The following POU2F1 variants were observed in gnomAD, a reference collection of about 807,000 sequenced individuals.
POU2F1 encodes the protein POU domain, class 2, transcription factor 1.
Under a neutral mutation model 84.9 loss-of-function variants are expected in POU2F1, and 16 were observed. That is an observed-to-expected ratio of 0.19 (90% confidence interval 0.13 to 0.29). POU2F1 has a LOEUF of 0.29. POU2F1 is among the 10% of genes least tolerant of loss of function. The pLI is 1.00. For missense variants in POU2F1, 738 were observed against 942.6 expected (o/e 0.78, Z 2.84); for synonymous variants, 368 against 368.3 (o/e 1.00, Z 0.01).
intron 13 of POU2F1, among the ~76,000 whole-genome samples, chr1:167,408,522 A>G (rs897187054): frequency 3.9e-5 from 6 of 152,368 alleles, no homozygotes; most frequent in East Asian, 1.9e-4. Context: ...AATATTATTC[A>G]GCCATAAAAA....
At chr1:167,380,823 T>C (rs1031120792) in intron 7 of POU2F1, 1 of 152,256 alleles carries the variant, frequency 6.6e-6, no homozygotes, top group African/African-American at 2.4e-5. Flanking sequence ...GCTATGATTA[T>C]ATAACTGTAA....
chr1:167,336,382 T>C (rs1197008131), intron 2 of POU2F1, among the ~76,000 whole-genome samples: 1 of 152,244 alleles, frequency 6.6e-6, no homozygotes, highest in Non-Finnish European at 1.5e-5. Flanking sequence ...CAGTAAATTG[T>C]GTATTGCAGT....
intron 3 of POU2F1, among the ~76,000 whole-genome samples, chr1:167,367,180 TAATTA>T (rs1659735547): frequency 6.6e-6 from 1 of 152,214 alleles, no homozygotes; most frequent in South Asian, 2.1e-4. Flanking sequence ...ATTAGCTACA[TAATTA>T]ACAGTGTGAC....
Position 167,425,041 on chromosome 1 carries a change from T to TTTATTA in POU2F1, c.*9249_*9254dup, listed in dbSNP as rs1553226409. On this transcript the variant is annotated 3_prime_UTR_variant, in exon 16 of 16. Coordinates refer to ENST00000367866, the MANE Select transcript of POU2F1 (RefSeq NM_002697.4). ...GACCAAAAATATCCAAATATTTAAG[T>TTTATTA]TTATTATTATTATTATTATTATTTG... 7.4e-6 allele frequency: 1 copy of TTTATTA among 135,018 alleles called. No individual in the cohort carries two copies. The highest frequency in any genetic ancestry group is 2.8e-5 in the African/African-American group (1 of 36,128). 8.4% of individuals were successfully genotyped at this position (135,018 alleles called of 1,614,324 possible). A position where few individuals can be genotyped will look rare whatever the true frequency, so the allele number is the denominator to read the frequency against.
chr1:167,238,987 A>G (rs1002324073), intron 1 of POU2F1, among the ~76,000 whole-genome samples: 2 of 152,164 alleles, frequency 1.3e-5, no homozygotes, highest in African/African-American at 4.8e-5. Flanking sequence ...TCCTATTCTG[A>G]ATCCAGGCAC....
intron 1 of POU2F1, among the ~76,000 whole-genome samples, chr1:167,320,793 C>T (rs1277498494): frequency 6.6e-6 from 1 of 152,212 alleles, no homozygotes; most frequent in Non-Finnish European, 1.5e-5. Flanking sequence ...TATACGCTTG[C>T]TTCTCAATTA....
chr1:167,251,391 C>T (rs1650715817), intron 1 of POU2F1, among the ~76,000 whole-genome samples: 5 of 151,772 alleles, frequency 3.3e-5, no homozygotes, highest in Middle Eastern at 3.4e-3. Context: ...AGAGGGAGAC[C>T]TTGTCATAAA....
chr1:167,357,264 A>G (rs973983711), intron 2 of POU2F1, among the ~76,000 whole-genome samples: 1 of 148,138 alleles, frequency 6.8e-6, no homozygotes, highest in Non-Finnish European at 1.5e-5. Flanking sequence ...ATTTTTCACC[A>G]TAAACTATGA....
chr1:167,390,935 G>A (rs1337245184), intron 9 of POU2F1, among the ~76,000 whole-genome samples: 1 of 152,202 alleles, frequency 6.6e-6, no homozygotes, highest in Non-Finnish European at 1.5e-5. Flanking sequence ...TATAGAAGAT[G>A]AAAACCCCAA....
At chr1:167,243,254 T>A (rs1441410130) in intron 1 of POU2F1, among the ~76,000 whole-genome samples, 3 of 152,358 alleles carry the variant, frequency 2.0e-5, no homozygotes, top group Admixed American at 1.3e-4. Flanking sequence ...TATTAGGCAT[T>A]GTTTTAGGCA....
intron 9 of POU2F1, among the ~76,000 whole-genome samples, chr1:167,394,309 C>A (rs77035879): frequency 0.05 from 7,559 of 152,226 alleles, 257 homozygotes; most frequent in East Asian, 0.14. Context: ...TTGTGAGCCA[C>A]CGTGCCCTGC....
intron 10 of POU2F1, 200 bp downstream of exon 10, chr1:167,396,627 A>G: frequency 3.6e-6 from 2 of 562,648 alleles, no homozygotes; most frequent in East Asian, 3.1e-5. Context: ...TAATTACAGT[A>G]TAAATAATTA....
chr1:167,396,343 A>G lies in POU2F1; in HGVS notation c.1045A>G (p.Ile349Val), dbSNP rs1571437750. The G allele has an allele frequency of 6.2e-7, 1 of 1,614,126 alleles. No homozygotes were observed. Among genetic ancestry groups the G allele is most frequent in the South Asian group, 1.1e-5 (1 of 91,084 alleles). ...LYGNDFSQTT[I>V]SRFEALNLSF... is the part of the protein sequence containing the mutation. ...TGGAAATGACTTCAGCCAAACTACCATCTCTCGATTTGAAGCCTTGAACCT... is the reference window on the plus strand; with the variant it reads ...TGGAAATGACTTCAGCCAAACTACCGTCTCTCGATTTGAAGCCTTGAACCT... Residue 349 changes from isoleucine to valine, a missense_variant, in exon 10 of 16, where the codon ATC becomes GTC. This residue lies in a region of POU2F1 where 95 missense variants were observed against 195.1 expected (regional missense o/e 0.49). Transcript: ENST00000367866.
chr1:167,266,810 G>A (rs1215160151), intron 1 of POU2F1, among the ~76,000 whole-genome samples: 2 of 151,964 alleles, frequency 1.3e-5, no homozygotes, highest in East Asian at 3.9e-4. Context: ...TTTTAGTAGA[G>A]ATGGGGTTAT....
intron 5 of POU2F1, among the ~76,000 whole-genome samples, chr1:167,373,219 G>A (rs2101850482): frequency 6.6e-6 from 1 of 152,266 alleles, no homozygotes; most frequent in South Asian, 2.1e-4. Context: ...ATATACTTCA[G>A]AAAATTATGG....
intron 1 of POU2F1, among the ~76,000 whole-genome samples, chr1:167,276,429 A>G (rs563499364): frequency 1.3e-4 from 20 of 152,298 alleles, no homozygotes; most frequent in African/African-American, 4.6e-4. Context: ...TGCCTAATTT[A>G]TAAATTAAAC....
chr1:167,339,898 A>T (rs1657718212), intron 2 of POU2F1, among the ~76,000 whole-genome samples: 1 of 152,214 alleles, frequency 6.6e-6, no homozygotes, highest in African/African-American at 2.4e-5. Flanking sequence ...GCATTGATTA[A>T]GTATTTACTG....
At chr1:167,268,488 G>T (rs1034980033) in intron 1 of POU2F1, among the ~76,000 whole-genome samples, 1 of 152,158 alleles carries the variant, frequency 6.6e-6, no homozygotes, top group African/African-American at 2.4e-5. Flanking sequence ...AAGGGGGAAA[G>T]GAGACCCTTT....
chr1:167,307,667 A>G (rs903427983), intron 1 of POU2F1, among the ~76,000 whole-genome samples: 1 of 152,142 alleles, frequency 6.6e-6, no homozygotes, highest in African/African-American at 2.4e-5. Context: ...TGTCCCTACA[A>G]ATAAGGACAT....
Sources: gnomAD v4.1 joint callset for allele counts (sites outside exome capture counted in the v4.1 genomes callset) on GRCh38, gnomAD v4.1.1 for gene constraint, gnomAD v4.1.1 regional missense constraint, MANE v1.5 for transcripts, NCBI Gene and HGNC (gene_info 2026-07-23, HGNC 2026-07-21) for gene names.